The following TNFSF4 variants were observed in gnomAD, a reference collection of about 807,000 sequenced individuals.
TNFSF4 encodes TNF superfamily member 4, also known as tumor necrosis factor ligand superfamily member 4.
TNFSF4 carries 4 observed loss-of-function variants against 7.3 expected under a neutral mutation model. That is an observed-to-expected ratio of 0.55 (90% CI 0.27 to 1.25). The LOEUF is 1.25. Among genes scored for constraint, TNFSF4 ranks in the 50% most tolerant of loss-of-function variants. The pLI, the probability that TNFSF4 is intolerant of heterozygous loss-of-function variation, is 0.12. For missense variants in TNFSF4, 181 were observed against 208.8 expected (o/e 0.87, Z 0.82); for synonymous variants, 76 against 83.7 (o/e 0.91, Z 0.50).
chr1:173,254,902 G>A, the TNFSF4 span, among the ~76,000 whole-genome samples: 1 of 152,184 alleles, frequency 6.6e-6, no homozygotes, highest in Non-Finnish European at 1.5e-5. Flanking sequence ...TCAGAAGGAA[G>A]AAGCTAGGTT....
the TNFSF4 span, among the ~76,000 whole-genome samples, chr1:173,428,164 C>T: frequency 2.0e-4 from 31 of 152,248 alleles, no homozygotes; most frequent in South Asian, 6.0e-3. Context: ...AGGCTGGTCT[C>T]CAACTCCTGG....
chr1:173,429,416 A>G, the TNFSF4 span, among the ~76,000 whole-genome samples: 1 of 152,252 alleles, frequency 6.6e-6, no homozygotes, highest in Non-Finnish European at 1.5e-5. Context: ...TAGGTGCTAA[A>G]TAAGTAGAAA....
At chr1:173,386,837 G>A in the TNFSF4 span, among the ~76,000 whole-genome samples, 2 of 152,060 alleles carry the variant, frequency 1.3e-5, no homozygotes, top group Non-Finnish European at 2.9e-5. Flanking sequence ...TTATTCTCAA[G>A]CCTCAAGATT....
the TNFSF4 span, among the ~76,000 whole-genome samples, chr1:173,404,863 C>T: frequency 6.6e-6 from 1 of 152,102 alleles, no homozygotes; most frequent in African/African-American, 2.4e-5. Context: ...AACTCCTGAC[C>T]TCAAGTGGTC....
At chr1:173,260,545 G>A in the TNFSF4 span, among the ~76,000 whole-genome samples, 5 of 152,128 alleles carry the variant, frequency 3.3e-5, no homozygotes, top group Non-Finnish European at 7.4e-5. Context: ...GCATAGAATG[G>A]CAAGCTGGAT....
chr1:173,265,159 G>C, the TNFSF4 span, among the ~76,000 whole-genome samples: 3 of 152,220 alleles, frequency 2.0e-5, no homozygotes, highest in African/African-American at 7.2e-5. Context: ...AGCATAGTAA[G>C]ATTCAAGATG....
At chr1:173,407,041 C>A in the TNFSF4 span, among the ~76,000 whole-genome samples, 1 of 152,072 alleles carries the variant, frequency 6.6e-6, no homozygotes, top group African/African-American at 2.4e-5. Flanking sequence ...AGAAGGGTGA[C>A]TGCCTCACTC....
the TNFSF4 span, among the ~76,000 whole-genome samples, chr1:173,292,180 G>A: frequency 6.6e-6 from 1 of 151,430 alleles, no homozygotes. Flanking sequence ...AGAAACACAA[G>A]GAAAAAAAAC....
the TNFSF4 span, among the ~76,000 whole-genome samples, chr1:173,214,791 C>T: frequency 4.6e-5 from 7 of 152,132 alleles, no homozygotes; most frequent in Admixed American, 6.5e-5. Flanking sequence ...GGCACAAAAG[C>T]TTTCTTTCAT....
At chr1:173,216,917 C>T in the TNFSF4 span, among the ~76,000 whole-genome samples, 1 of 152,074 alleles carries the variant, frequency 6.6e-6, no homozygotes, top group East Asian at 1.9e-4. Context: ...GGCTCAAATT[C>T]GCCCTGGTTA....
the TNFSF4 span, among the ~76,000 whole-genome samples, chr1:173,306,200 T>G: frequency 6.6e-6 from 1 of 152,012 alleles, no homozygotes; most frequent in African/African-American, 2.4e-5. Context: ...CATCGAAGAC[T>G]CGATGAAATT....
the TNFSF4 span, among the ~76,000 whole-genome samples, chr1:173,441,320 C>T: frequency 6.6e-6 from 1 of 152,044 alleles, no homozygotes; most frequent in Non-Finnish European, 1.5e-5. Context: ...ATCTCACTTC[C>T]TCTCCTTCCT....
chr1:173,316,339 T>C, the TNFSF4 span, among the ~76,000 whole-genome samples: 1 of 152,122 alleles, frequency 6.6e-6, no homozygotes, highest in Admixed American at 6.6e-5. Flanking sequence ...AATAAATTAA[T>C]TTATAATAAA....
At chr1:173,315,412 T>C in the TNFSF4 span, among the ~76,000 whole-genome samples, 3 of 152,186 alleles carry the variant, frequency 2.0e-5, no homozygotes, top group Admixed American at 1.3e-4. Context: ...AGTCTAGACA[T>C]CAAAGAAAAA....
the TNFSF4 span, among the ~76,000 whole-genome samples, chr1:173,369,514 G>A: frequency 6.6e-6 from 1 of 152,078 alleles, no homozygotes; most frequent in Non-Finnish European, 1.5e-5. Context: ...GAACAGCAGG[G>A]TCCAGGGACC....
the TNFSF4 span, among the ~76,000 whole-genome samples, chr1:173,278,227 T>C: frequency 1.4e-4 from 22 of 152,240 alleles, no homozygotes; most frequent in Middle Eastern, 0.024. Flanking sequence ...TTGTTTATCT[T>C]GGTAACTATT....
the TNFSF4 span, among the ~76,000 whole-genome samples, chr1:173,395,034 A>C: frequency 3.9e-5 from 3 of 77,726 alleles, no homozygotes; most frequent in Non-Finnish European, 8.7e-5. Flanking sequence ...ATAGATAGAT[A>C]GATGATAGAT....
At chr1:173,191,145 G>A (rs953816519) in intron 1 of TNFSF4, among the ~76,000 whole-genome samples, 1 of 152,136 alleles carries the variant, frequency 6.6e-6, no homozygotes, top group Admixed American at 6.5e-5. Flanking sequence ...ACTTTTTGAG[G>A]TGCCCTGATG....
chr1:173,340,933 G>A, the TNFSF4 span, among the ~76,000 whole-genome samples: 1 of 152,134 alleles, frequency 6.6e-6, no homozygotes, highest in East Asian at 1.9e-4. Context: ...GTCATGGGAG[G>A]AACTCGATGG....
Sources: gnomAD v4.1 joint callset for allele counts (sites outside exome capture counted in the v4.1 genomes callset) on GRCh38, gnomAD v4.1.1 for gene constraint, MANE v1.5 for transcripts, NCBI Gene and HGNC (gene_info 2026-07-23, HGNC 2026-07-21) for gene names.